Variants in CKM observed in about 807,000 individuals in gnomAD.
The protein encoded by CKM is creatine kinase M-type.
Under a neutral mutation model 35.4 loss-of-function variants are expected in CKM, and 28 were observed. The ratio of observed to expected loss-of-function variants is 0.79; its 90% CI spans 0.59 to 1.08. CKM has a LOEUF of 1.08. Among genes scored for constraint, CKM ranks in the 50% least tolerant of loss-of-function variants. The pLI, the probability that CKM is intolerant of heterozygous loss-of-function variation, is 0.00. For synonymous variants in CKM, 215 were observed against 204.4 expected (o/e 1.05, Z -0.44); for missense variants, 484 against 509.8 (o/e 0.95, Z 0.49).
chr19:45,316,956 A>T (rs1385518083), intron 3 of CKM, among the ~76,000 whole-genome samples: 1 of 151,900 alleles, frequency 6.6e-6, no homozygotes, highest in East Asian at 1.9e-4. Flanking sequence ...AAGTGTTGGG[A>T]TTACAAGCGT....
intron 5 of CKM, 91 bp downstream of exon 5, chr19:45,311,658 G>C (rs1157577256): frequency 2.8e-6 from 3 of 1,073,054 alleles, no homozygotes; most frequent in Non-Finnish European, 4.0e-6. Flanking sequence ...TACGTATATG[G>C]CCTTGGTTTT....
chr19:45,315,849 C>T (rs1322225805), intron 3 of CKM, among the ~76,000 whole-genome samples: 1 of 135,620 alleles, frequency 7.4e-6, no homozygotes. Context: ...ATTTCTTTTC[C>T]TTTTTTTTCT....
chr19:45,315,628 C>A, intron 3 of CKM, 31 bp from the exon 4 acceptor site: 1 of 1,600,234 alleles, frequency 6.2e-7, no homozygotes, highest in Non-Finnish European at 8.5e-7. Context: ...CAGGACCAGG[C>A]AGATCCTCCG....
intron 4 of CKM, among the ~76,000 whole-genome samples, chr19:45,314,028 AAG>A (rs1053014873): frequency 1.3e-5 from 2 of 151,094 alleles, no homozygotes; most frequent in Middle Eastern, 3.4e-3. Context: ...CTGTCTTGAA[AAG>A]AGAGAGAGAA....
chr19:45,307,712 C>A, intron 6 of CKM, 62 bp from the exon 7 acceptor site: 1 of 1,407,914 alleles, frequency 7.1e-7, no homozygotes, highest in African/African-American at 1.4e-5. Context: ...GCACCCGCAA[C>A]ATGGACAGGG....
At chr19:45,312,842 T>C (rs1056158549) in intron 4 of CKM, among the ~76,000 whole-genome samples, 16 of 151,174 alleles carry the variant, frequency 1.1e-4, no homozygotes, top group African/African-American at 3.6e-4. Flanking sequence ...TAATCCCAGC[T>C]ACTCAAGAGG....
At chr19:45,318,004 A>G in intron 2 of CKM, 25 bp from the exon 3 acceptor site, 1 of 1,611,268 alleles carries the variant, frequency 6.2e-7, no homozygotes. Flanking sequence ...GTGAGGTCAG[A>G]GCTGCTTGTC....
chr19:45,317,737 G>A (rs1475192958), intron 3 of CKM, 88 bp downstream of exon 3: 3 of 1,413,532 alleles, frequency 2.1e-6, no homozygotes, highest in Non-Finnish European at 3.0e-6. Context: ...GTCTCTCTCT[G>A]TCTCTGTATT....
Position 45,317,963 on chromosome 19 carries a change from C to T in CKM, c.210G>A (p.Met70Ile). The T allele has an allele frequency of 6.2e-7, 1 of 1,613,916 alleles. No homozygotes were observed. Among genetic ancestry groups the T allele is most frequent in the Non-Finnish European group, 8.5e-7 (1 of 1,179,982 alleles). Reference sequence around the variant, plus strand: ...CATCACCAGCCACGCAGCCCACGGTCATGATGAAGGGGTGACCTGGAGGGG... The same window carrying T: ...CATCACCAGCCACGCAGCCCACGGTTATGATGAAGGGGTGACCTGGAGGGG... ...GVDNPGHPFI[M>I]TVGCVAGDEE... The change falls in exon 3 of 8, where the codon ATG (methionine) becomes ATA (isoleucine). Residue 70 changes from methionine (M) to isoleucine (I), a missense_variant. Met to Ile is a conservative substitution (Grantham distance 10). Transcript: ENST00000221476.
At chr19:45,316,383 C>G (rs560387705) in intron 3 of CKM, among the ~76,000 whole-genome samples, 1 of 149,850 alleles carries the variant, frequency 6.7e-6, no homozygotes, top group South Asian at 2.1e-4. Flanking sequence ...AGGCTGGTCT[C>G]AAACTCCTGG....
At position 45,317,928 on chromosome 19, in the gene CKM, T is replaced by C. The variant is rs1971175115; in HGVS notation, c.245A>G (p.Tyr82Cys). 1.2e-6 allele frequency: 2 copies of C among 1,613,732 alleles called. No homozygotes were observed. The highest frequency in any genetic ancestry group is 2.2e-5 in the South Asian group (2 of 91,068). The change falls in exon 3 of 8, where the codon TAC becomes TGC. Residue 82 changes from tyrosine to cysteine, a missense_variant. Tyr to Cys is a radical substitution (Grantham distance 194). Transcript: ENST00000221476. ...VGCVAGDEES[Y>C]EVFKELFDPI... ...GTCAAAGAGTTCCTTGAAAACTTCGTAGGACTCCTCATCACCAGCCACGCA... is the reference window on the plus strand; with the variant it reads ...GTCAAAGAGTTCCTTGAAAACTTCGCAGGACTCCTCATCACCAGCCACGCA...
chr19:45,319,861 G>A, intron 1 of CKM, 130 bp from the exon 2 acceptor site: 3 of 694,402 alleles, frequency 4.3e-6, no homozygotes, highest in Non-Finnish European at 7.3e-6. Flanking sequence ...CACGATCTCG[G>A]CTCACTGCAA....
chr19:45,314,174 A>G (rs947301746), intron 4 of CKM, among the ~76,000 whole-genome samples: 2 of 149,604 alleles, frequency 1.3e-5, no homozygotes, highest in Admixed American at 1.3e-4. Flanking sequence ...AAAAGAAAGG[A>G]AAGGAAGGAA....
chr19:45,315,669 AT>A, intron 3 of CKM, 72 bp from the exon 4 acceptor site: 1 of 1,569,776 alleles, frequency 6.4e-7, no homozygotes, highest in Non-Finnish European at 8.6e-7. Context: ...TCTCCCCCAG[AT>A]GCTCCCCTCA....
intron 1 of CKM, among the ~76,000 whole-genome samples, chr19:45,322,507 C>A (rs1971222637): frequency 6.6e-6 from 1 of 152,194 alleles, no homozygotes; most frequent in Admixed American, 6.5e-5. Flanking sequence ...TGAACACAGG[C>A]CTGGCTCAAC....
chr19:45,322,310 C>A (rs1236180341), intron 1 of CKM, among the ~76,000 whole-genome samples: 1 of 152,118 alleles, frequency 6.6e-6, no homozygotes, highest in Non-Finnish European at 1.5e-5. Context: ...GTCACACAGT[C>A]ACACTTCCAA....
intron 3 of CKM, among the ~76,000 whole-genome samples, chr19:45,317,118 TA>T (rs749362111): frequency 1.1e-4 from 16 of 150,262 alleles, no homozygotes; most frequent in South Asian, 2.1e-4. Context: ...TTCCTTTTTT[TA>T]TTTTCTGAGA....
chr19:45,317,684 T>G, intron 3 of CKM, 141 bp downstream of exon 3: 2 of 941,302 alleles, frequency 2.1e-6, no homozygotes, highest in Non-Finnish European at 3.3e-6. Flanking sequence ...AGCCTCCCAA[T>G]GTCCCTCTCT....
rs570899084 is a variant in CKM at position 45,306,983 on chromosome 19, G to T, written c.968-55C>A. On this transcript the variant is annotated intron_variant, in intron 7 of 7. Coordinates refer to ENST00000221476, the MANE Select transcript of CKM (RefSeq NM_001824.5). This position sits in a 1 kb window ranked among gnomAD's most constrained non-coding sequence, Gnocchi z 4.5. Reference sequence around the variant, plus strand: ...AGGCAGCGAAGGTGCAGAGGGGCTGGGACGTGGCCCCCGTGCCAAATGCAA... The same window carrying T: ...AGGCAGCGAAGGTGCAGAGGGGCTGTGACGTGGCCCCCGTGCCAAATGCAA... 5.0e-4 allele frequency: 789 copies of T among 1,585,848 alleles called. 1 individual carries two copies. The highest frequency in any genetic ancestry group is 6.2e-4 in the Non-Finnish European group (723 of 1,160,674).
Sources: allele counts gnomAD v4.1 joint callset (sites outside exome capture counted in the v4.1 genomes callset), GRCh38; gene constraint gnomAD v4.1.1; non-coding constraint Gnocchi (gnomAD v3.1); transcripts MANE v1.5; gene names NCBI Gene and HGNC (gene_info 2026-07-23, HGNC 2026-07-21).